Variants in PXDN observed in about 807,000 individuals in gnomAD.
PXDN encodes peroxidasin.
PXDN carries 77 observed loss-of-function variants against 140.3 expected under a neutral mutation model. The ratio of observed to expected loss-of-function variants is 0.55; its 90% confidence interval spans 0.46 to 0.66. PXDN has a LOEUF of 0.66. Among genes scored for constraint, PXDN ranks in the 30% least tolerant of loss-of-function variants. The pLI, the probability that PXDN is intolerant of heterozygous loss-of-function variation, is 0.00. For missense variants in PXDN, 1,838 were observed against 2,039.5 expected (o/e 0.90, Z 1.90); for synonymous variants, 911 against 857.4 (o/e 1.06, Z -1.09).
intron 16 of PXDN, among the ~76,000 whole-genome samples, chr2:1,650,841 C>T (rs1304513180): frequency 6.6e-6 from 1 of 152,074 alleles, no homozygotes; most frequent in Non-Finnish European, 1.5e-5. Flanking sequence ...TAAAGTTTCT[C>T]CAGCCCATTT....
chr2:1,722,161 C>T (rs1286078009), intron 1 of PXDN, among the ~76,000 whole-genome samples: 1 of 152,164 alleles, frequency 6.6e-6, no homozygotes, highest in Non-Finnish European at 1.5e-5. Flanking sequence ...AGTTTCTGAG[C>T]GAGCGGACAC....
intron 15 of PXDN, 24 bp from the exon 16 acceptor site, chr2:1,653,809 A>G: frequency 6.5e-7 from 1 of 1,533,562 alleles, no homozygotes; most frequent in Non-Finnish European, 8.8e-7. Context: ...AGGGGGAAGA[A>G]AGGAAGAATG....
chr2:1,681,749 G>A (rs1683913069), intron 6 of PXDN, among the ~76,000 whole-genome samples: 2 of 152,194 alleles, frequency 1.3e-5, no homozygotes, highest in African/African-American at 2.4e-5. Flanking sequence ...CCCAACCTGT[G>A]CCCACAGCTG....
intron 9 of PXDN, 35 bp downstream of exon 9, chr2:1,673,608 G>A: frequency 6.3e-7 from 1 of 1,589,362 alleles, no homozygotes; most frequent in Non-Finnish European, 8.6e-7. Flanking sequence ...CGACAATTCT[G>A]GATGGAACCC....
Position 1,723,562 on chromosome 2 carries a change from A to G in PXDN, c.200+20694T>C, listed in dbSNP as rs141572698. On this transcript the variant is annotated intron_variant, in intron 1 of 22. Transcript: ENST00000252804. ...TTGTTATGGATGAATGGACAGATGG[A>G]TGGACTAATGAACGGATGGATGGAT... Among the ~76,000 whole-genome samples, 458 of 152,316 alleles carry G rather than the reference A, an allele frequency of 3.0e-3. 4 individuals are homozygous for G. The South Asian group carries it at 0.03, about 10-fold the overall frequency.
intron 14 of PXDN, among the ~76,000 whole-genome samples, chr2:1,655,434 CACAA>C (rs1264367029): frequency 6.6e-6 from 1 of 151,210 alleles, no homozygotes; most frequent in Non-Finnish European, 1.5e-5. Context: ...ACATTGTACA[CACAA>C]ACACACATAC....
In PXDN at chr2:1,644,722, C is replaced by A; in HGVS notation, c.3639G>T (p.Leu1213=). Residue 1213 remains leucine (L), a synonymous_variant, in exon 18 of 23, where the codon CTG becomes CTT. Transcript: ENST00000252804. ...RLYGSTLNID[L]FPALVVEDLV... ...GGTCCTCCACCACGAGCGCCGGAAACAGGTCGATGTTGAGTGTCGAGCCAT... is the reference window on the plus strand; with the variant it reads ...GGTCCTCCACCACGAGCGCCGGAAAAAGGTCGATGTTGAGTGTCGAGCCAT... 1 of 1,593,186 alleles carries A rather than the reference C, an allele frequency of 6.3e-7. No homozygotes were observed. Among genetic ancestry groups the A allele is most frequent in the Non-Finnish European group, 8.6e-7 (1 of 1,166,814 alleles).
At chr2:1,635,275 AG>A in intron 22 of PXDN, 132 bp downstream of exon 22, 1 of 756,246 alleles carries the variant, frequency 1.3e-6, no homozygotes, top group Middle Eastern at 3.6e-4. Context: ...GGAGTGAAGG[AG>A]GGATGGAGGC....
intron 14 of PXDN, among the ~76,000 whole-genome samples, chr2:1,655,451 C>T (rs920244462): frequency 6.6e-5 from 10 of 151,454 alleles, no homozygotes; most frequent in African/African-American, 2.4e-4. Flanking sequence ...ACACATACAC[C>T]ACACACACAA....
chr2:1,649,009 C>T lies in PXDN; in HGVS notation c.2771G>A (p.Arg924His), dbSNP rs757348445. 7 of 1,612,404 alleles carry T rather than the reference C, an allele frequency of 4.3e-6. No individual in the cohort carries two copies. The highest frequency in any genetic ancestry group is 1.3e-5 in the African/African-American group (1 of 74,910). Reference protein sequence around the residue: ...NVYGSTEHEARSIRDLASHRG... With the variant: ...NVYGSTEHEAHSIRDLASHRG... ...GTGGCTGGCCAGGTCGCGGATGCTG[C>T]GGGCCTCATGCTCCGTGCTCCCGTA... The change falls in exon 17 of 23, where the codon CGC becomes CAC. Residue 924 changes from arginine to histidine, a missense_variant. This residue lies in a region of PXDN where 850 missense variants were observed against 894.1 expected (regional missense o/e 0.95). Coordinates refer to ENST00000252804, the MANE Select transcript of PXDN (RefSeq NM_012293.3). This position sits in a 1 kb window ranked among gnomAD's most constrained non-coding sequence, Gnocchi z 7.1.
Position 1,691,937 on chromosome 2 carries a change from A to C in PXDN, c.335T>G (p.Leu112Ter). 6.7e-7 allele frequency: 1 copy of C among 1,497,848 alleles called. No individual in the cohort carries two copies. The highest frequency in any genetic ancestry group is 9.0e-7 in the Non-Finnish European group (1 of 1,109,536). 92.8% of individuals were successfully genotyped at this position (1,497,848 alleles called of 1,614,324 possible). A position where few individuals can be genotyped will look rare whatever the true frequency, so the allele number is the denominator to read the frequency against. The change falls in exon 3 of 23, where the codon TTA (leucine) becomes TGA (stop). Residue 112 changes from leucine (L) to a stop codon, truncating the protein, a stop_gained. Coordinates refer to ENST00000252804, the MANE Select transcript of PXDN (RefSeq NM_012293.3). LOFTEE classifies it high-confidence loss of function. Reference protein sequence around the residue: ...PSGAFEDLENLKYLYLYKNEI... With the variant: ...PSGAFEDLEN Reference sequence around the variant, plus strand: ...CTGATCATTAACTTACAGATATTTTAAATTTTCCAAGTCTTCAAATGCTCC... The same window carrying C: ...CTGATCATTAACTTACAGATATTTTCAATTTTCCAAGTCTTCAAATGCTCC...
Position 1,648,420 on chromosome 2 carries a change from C to A in PXDN, c.3360G>T (p.Gly1120=). 1 of 1,611,496 alleles carries A rather than the reference C, an allele frequency of 6.2e-7. No homozygotes were observed. Among genetic ancestry groups the A allele is most frequent in the South Asian group, 1.1e-5 (1 of 91,068 alleles). The change falls in exon 17 of 23, where the codon GGG becomes GGT. Residue 1120 remains glycine (G), a synonymous_variant. Coordinates refer to ENST00000252804, the MANE Select transcript of PXDN (RefSeq NM_012293.3). This position sits in a 1 kb window ranked among gnomAD's most constrained non-coding sequence, Gnocchi z 8.9. ...GCATTTTCCCCGCCACCCCGAACAG[C>A]CCCCTGAGAAGCGGATCGATGCCGC... ...NEGGIDPLLR[G]LFGVAGKMRV...
chr2:1,708,776 C>G (rs550136954), intron 1 of PXDN, among the ~76,000 whole-genome samples: 7 of 152,172 alleles, frequency 4.6e-5, no homozygotes, highest in African/African-American at 1.2e-4. Flanking sequence ...TTTATGGTAT[C>G]GATTTGGATC....
At chr2:1,694,790 C>T (rs918562698) in intron 1 of PXDN, among the ~76,000 whole-genome samples, 10 of 152,190 alleles carry the variant, frequency 6.6e-5, no homozygotes, top group Admixed American at 6.5e-5. Flanking sequence ...GGAAAGCAGC[C>T]ATCCAGGATG....
At chr2:1,720,989 C>T (rs1298022071) in intron 1 of PXDN, among the ~76,000 whole-genome samples, 2 of 152,134 alleles carry the variant, frequency 1.3e-5, no homozygotes, top group Non-Finnish European at 2.9e-5. Flanking sequence ...CCTCCTGCTC[C>T]GGGGAGGTCA....
At chr2:1,713,794 G>A (rs965064238) in intron 1 of PXDN, among the ~76,000 whole-genome samples, 26 of 152,272 alleles carry the variant, frequency 1.7e-4, no homozygotes, top group Non-Finnish European at 1.5e-5. Flanking sequence ...GCAACCCAAT[G>A]CAGCCTGCTG....
At chr2:1,726,158 G>A (rs1323154679) in intron 1 of PXDN, among the ~76,000 whole-genome samples, 4 of 151,988 alleles carry the variant, frequency 2.6e-5, no homozygotes, top group Non-Finnish European at 5.9e-5. Flanking sequence ...ATTCACAATA[G>A]CAAAGTCTTG....
chr2:1,740,698 G>C (rs1456779054), intron 1 of PXDN, among the ~76,000 whole-genome samples: 1 of 152,148 alleles, frequency 6.6e-6, no homozygotes, highest in Non-Finnish European at 1.5e-5. Flanking sequence ...GAAGCCCCCT[G>C]ACTCTCTGGG....
intron 17 of PXDN, among the ~76,000 whole-genome samples, chr2:1,646,444 AAC>A (rs141814758): frequency 0.012 from 1,808 of 152,318 alleles, 40 homozygotes; most frequent in African/African-American, 0.041. Flanking sequence ...GCACATAAAA[AAC>A]ACAGACAGTT....
Sources: gnomAD v4.1 joint callset for allele counts (sites outside exome capture counted in the v4.1 genomes callset) on GRCh38, gnomAD v4.1.1 for gene constraint, gnomAD v4.1.1 regional missense constraint, Gnocchi (gnomAD v3.1) non-coding constraint, MANE v1.5 for transcripts, NCBI Gene and HGNC (gene_info 2026-07-23, HGNC 2026-07-21) for gene names.